RAP1GDS1: variants seen among roughly 807,000 people sequenced by gnomAD.
RAP1GDS1 encodes RAP1, GTP-GDP dissociation stimulator 1.
Under a neutral mutation model 71.1 loss-of-function variants are expected in RAP1GDS1, and 35 were observed. The ratio of observed to expected loss-of-function variants is 0.49; its 90% CI spans 0.38 to 0.65. The LOEUF is 0.65. RAP1GDS1 is among the 30% of genes least tolerant of loss of function. The pLI is 0.00. For missense variants in RAP1GDS1, 663 were observed against 706.1 expected (o/e 0.94, Z 0.69); for synonymous variants, 229 against 243.1 (o/e 0.94, Z 0.54).
chr4:98,404,698 AT>A, intron 7 of RAP1GDS1, 96 bp downstream of exon 7: 3 of 1,391,550 alleles, frequency 2.2e-6, no homozygotes, highest in Non-Finnish European at 3.0e-6. Context: ...ACTCAAAACC[AT>A]TCTTTATTAG....
chr4:98,407,379 A>G (rs909601989), intron 7 of RAP1GDS1, among the ~76,000 whole-genome samples: 1 of 152,176 alleles, frequency 6.6e-6, no homozygotes, highest in Non-Finnish European at 1.5e-5. Flanking sequence ...CAAGAGTAAT[A>G]TATATTCTTT....
rs201334272 is a variant in RAP1GDS1, at chr4:98,418,775, A to C, written c.1158A>C (p.Arg386Ser). ...AGCATGCAGCACTAAGTGCCCTCAG[A>C]AACCTGGCCATTCCAGGTAAGACTT... ...TVQHAALSAL[R>S]NLAIPVINKA... The change falls in exon 10 of 15, where the codon AGA (arginine) becomes AGC (serine). Residue 386 changes from arginine (R) to serine (S), a missense_variant. Arg to Ser is a moderately radical substitution (Grantham distance 110). Coordinates refer to ENST00000408927, the MANE Select transcript of RAP1GDS1 (RefSeq NM_001100427.2). 2.5e-5 allele frequency: 40 copies of C among 1,594,896 alleles called. No homozygotes were observed. The Admixed American group carries it at 5.7e-4, about 23-fold the overall frequency.
At chr4:98,323,208 C>A (rs1303780778) in intron 2 of RAP1GDS1, among the ~76,000 whole-genome samples, 3 of 145,800 alleles carry the variant, frequency 2.1e-5, no homozygotes, top group East Asian at 2.0e-4. Flanking sequence ...TACACTCTCC[C>A]AAGACTAAAC....
chr4:98,287,079 G>A (rs1481146358), intron 1 of RAP1GDS1, among the ~76,000 whole-genome samples: 1 of 152,026 alleles, frequency 6.6e-6, no homozygotes, highest in Non-Finnish European at 1.5e-5. Flanking sequence ...GCCAGTGCAA[G>A]TAACTCAAAA....
Position 98,416,941 on chromosome 4 carries a change from A to G in RAP1GDS1, c.907+53A>G, listed in dbSNP as rs546299935. On this transcript the variant is annotated intron_variant, in intron 8 of 14. Coordinates refer to ENST00000408927, the MANE Select transcript of RAP1GDS1 (RefSeq NM_001100427.2). ...AATGTGGTTGTCAGATGTTTTTAAA[A>G]TTTATTGTCTCTTCTGTAAATACTA... 8.4e-5 allele frequency: 132 copies of G among 1,570,650 alleles called. No homozygotes were observed. The African/African-American group carries it at 1.6e-3, about 19-fold the overall frequency.
At position 98,378,564 on chromosome 4, in the gene RAP1GDS1, A is replaced by G. The variant is rs758392966; in HGVS notation, c.362-453A>G. Among the ~76,000 whole-genome samples, 37 of 151,998 alleles carry G rather than the reference A, an allele frequency of 2.4e-4. 1 individual carries two copies. Among genetic ancestry groups the G allele is most frequent in the South Asian group, 2.1e-4 (1 of 4,826 alleles). ...ATCAAAGACATAATAACGTTCCCAT[A>G]TGGTTTTCTTCGATAATAGCTGATT... is the stretch of plus-strand genomic sequence containing the variant. On this transcript the variant is annotated intron_variant, in intron 4 of 14. Transcript: ENST00000408927.
chr4:98,365,616 C>T (rs1479434040), intron 4 of RAP1GDS1, among the ~76,000 whole-genome samples: 1 of 152,050 alleles, frequency 6.6e-6, no homozygotes, highest in Non-Finnish European at 1.5e-5. Context: ...GAGCAAGACC[C>T]TGTCTCAAAA....
At chr4:98,393,573 G>A (rs1425281438) in intron 6 of RAP1GDS1, among the ~76,000 whole-genome samples, 2 of 152,174 alleles carry the variant, frequency 1.3e-5, no homozygotes, top group Non-Finnish European at 2.9e-5. Flanking sequence ...AAACATGATT[G>A]GTTCAAATCT....
Position 98,442,005 on chromosome 4 carries a change from A to T in RAP1GDS1, c.1712A>T (p.Glu571Val), listed in dbSNP as rs770252631. Residue 571 changes from glutamate (E) to valine (V), a missense_variant, in exon 15 of 15, where the codon GAA becomes GTA. Physicochemically the swap from Glu to Val is moderately radical, Grantham distance 121. Transcript: ENST00000408927. ...ALMGSECLHK[E>V]VQDLAFLDVV... ...TGTCTTCCAGAATGTCTACACAAGG[A>T]AGTACAGGATTTGGCTTTTCTAGAT... The T allele has an allele frequency of 2.0e-5, 33 of 1,613,836 alleles. No homozygotes were observed. The highest frequency in any genetic ancestry group is 4.2e-6 in the Non-Finnish European group (5 of 1,179,960).
intron 13 of RAP1GDS1, among the ~76,000 whole-genome samples, chr4:98,435,125 A>G (rs933342159): frequency 2.6e-5 from 4 of 152,206 alleles, no homozygotes; most frequent in African/African-American, 9.7e-5. Flanking sequence ...GGGATGTCCT[A>G]TCCAATTCAA....
At chr4:98,293,271 C>G (rs990900601) in intron 1 of RAP1GDS1, 137 bp from the exon 2 acceptor site, 1 of 571,302 alleles carries the variant, frequency 1.8e-6, no homozygotes, top group Non-Finnish European at 3.1e-6. Flanking sequence ...CAGTCTAATG[C>G]CATTTTGGAA....
chr4:98,423,473 T>G (rs935999794), intron 12 of RAP1GDS1, among the ~76,000 whole-genome samples: 3 of 152,206 alleles, frequency 2.0e-5, no homozygotes, highest in African/African-American at 4.8e-5. Context: ...TCGGGAGCAC[T>G]TAAAGGGTTT....
intron 1 of RAP1GDS1, among the ~76,000 whole-genome samples, chr4:98,273,466 A>G (rs1320976907): frequency 6.6e-6 from 1 of 152,106 alleles, no homozygotes; most frequent in Non-Finnish European, 1.5e-5. Flanking sequence ...AACACAATTT[A>G]TTGTGATTAA....
intron 13 of RAP1GDS1, among the ~76,000 whole-genome samples, chr4:98,434,576 G>C (rs1750891837): frequency 6.6e-6 from 1 of 150,964 alleles, no homozygotes; most frequent in Non-Finnish European, 1.5e-5. Context: ...CAAAGCAGAG[G>C]CTAAATAGGC....
intron 1 of RAP1GDS1, 154 bp downstream of exon 1, chr4:98,261,723 G>A: frequency 9.5e-7 from 1 of 1,048,894 alleles, no homozygotes; most frequent in Non-Finnish European, 1.3e-6. Flanking sequence ...CGGCGCACGC[G>A]GAACGCACGC....
intron 3 of RAP1GDS1, among the ~76,000 whole-genome samples, chr4:98,346,912 C>T (rs1456335606): frequency 6.6e-6 from 1 of 152,142 alleles, no homozygotes; most frequent in Non-Finnish European, 1.5e-5. Context: ...TTTGACAACC[C>T]ACATATAAAA....
chr4:98,397,505 C>T (rs754283440), intron 6 of RAP1GDS1, among the ~76,000 whole-genome samples: 15 of 152,048 alleles, frequency 9.9e-5, no homozygotes, highest in African/African-American at 3.6e-4. Context: ...CAAATAAGAA[C>T]AACCTCAAGG....
At chr4:98,425,177 A>G (rs952891074) in intron 12 of RAP1GDS1, among the ~76,000 whole-genome samples, 4 of 152,218 alleles carry the variant, frequency 2.6e-5, no homozygotes, top group African/African-American at 7.2e-5. Flanking sequence ...TGTTTCAGAC[A>G]AACAAATACT....
At chr4:98,352,667 T>C in intron 4 of RAP1GDS1, 66 bp downstream of exon 4, 1 of 1,563,986 alleles carries the variant, frequency 6.4e-7, no homozygotes, top group South Asian at 1.2e-5. Context: ...ACTAATCTGC[T>C]TTTGTGTTAG....
Sources: allele counts gnomAD v4.1 joint callset (sites outside exome capture counted in the v4.1 genomes callset), GRCh38; gene constraint gnomAD v4.1.1; transcripts MANE v1.5; gene names NCBI Gene and HGNC (gene_info 2026-07-23, HGNC 2026-07-21).